RALYL: variants seen among roughly 807,000 people sequenced by gnomAD.
RALYL encodes the protein RNA-binding Raly-like protein.
Under a neutral mutation model 35.1 loss-of-function variants are expected in RALYL, and 29 were observed. The observed-to-expected ratio is 0.83, with a 90% confidence interval of 0.61 to 1.13. RALYL has a LOEUF of 1.13. Among genes scored for constraint, RALYL ranks in the 50% most tolerant of loss-of-function variants. The pLI, the probability that RALYL is intolerant of heterozygous loss-of-function variation, is 0.00. For missense variants in RALYL, 359 were observed against 360.4 expected (o/e 1.00, Z 0.03); for synonymous variants, 120 against 127.6 (o/e 0.94, Z 0.40).
At chr8:84,270,313 T>C (rs1205635827) in intron 1 of RALYL, among the ~76,000 whole-genome samples, 1 of 152,200 alleles carries the variant, frequency 6.6e-6, no homozygotes, top group Non-Finnish European at 1.5e-5. Context: ...GAACGCATTA[T>C]AAGATACAAG....
intron 1 of RALYL, among the ~76,000 whole-genome samples, chr8:84,322,303 G>T (rs1268627887): frequency 1.3e-5 from 2 of 152,102 alleles, no homozygotes; most frequent in African/African-American, 4.8e-5. Context: ...AAGGGAAAGT[G>T]ATAGAGGAGA....
At chr8:84,831,058 A>G (rs1563698404) in intron 4 of RALYL, among the ~76,000 whole-genome samples, 1 of 152,140 alleles carries the variant, frequency 6.6e-6, no homozygotes, top group Non-Finnish European at 1.5e-5. Context: ...AATGGCAAAA[A>G]TGAGAACAAA....
chr8:84,887,517 C>T, intron 7 of RALYL, 87 bp from the exon 8 acceptor site: 1 of 1,188,956 alleles, frequency 8.4e-7, no homozygotes, highest in Non-Finnish European at 1.2e-6. Flanking sequence ...ATAGCGTTTA[C>T]CCTTTCATGG....
intron 1 of RALYL, among the ~76,000 whole-genome samples, chr8:84,434,436 G>A (rs979274099): frequency 2.0e-5 from 3 of 152,062 alleles, no homozygotes; most frequent in Admixed American, 2.0e-4. Context: ...AGAAAGCCCT[G>A]TGAAATATTC....
In RALYL at chr8:84,551,656, A is replaced by G. The variant is rs145325516; in HGVS notation, c.256+22079A>G. On this transcript the variant is annotated intron_variant, in intron 2 of 8. Transcript: ENST00000521268. ...GGATAATAATAGAAAGAAGTATTTA[A>G]TAGCAGTGAGGGATTATGTTGGAAA... 3.2e-3 allele frequency among the ~76,000 whole-genome samples: 488 copies of G among 152,234 alleles called. 3 individuals are homozygous for G. The highest frequency in any genetic ancestry group is 0.011 in the African/African-American group (476 of 41,564).
intron 3 of RALYL, among the ~76,000 whole-genome samples, chr8:84,782,523 T>C (rs1250272986): frequency 6.6e-6 from 1 of 152,194 alleles, no homozygotes; most frequent in Non-Finnish European, 1.5e-5. Flanking sequence ...TTTCTAACTG[T>C]TGGTTTTACT....
At chr8:84,248,672 T>G (rs1829608025) in intron 1 of RALYL, among the ~76,000 whole-genome samples, 1 of 152,120 alleles carries the variant, frequency 6.6e-6, no homozygotes, top group South Asian at 2.1e-4. Flanking sequence ...TGTTATCTGT[T>G]CTGATGCTAT....
chr8:84,696,607 A>G (rs998161755), intron 2 of RALYL, among the ~76,000 whole-genome samples: 6 of 151,964 alleles, frequency 3.9e-5, no homozygotes, highest in East Asian at 1.9e-4. Context: ...GCATGATTTA[A>G]AAATATTAAA....
chr8:84,227,459 G>A (rs951234820), intron 1 of RALYL, among the ~76,000 whole-genome samples: 1 of 152,124 alleles, frequency 6.6e-6, no homozygotes, highest in African/African-American at 2.4e-5. Context: ...GTTCTTGCTA[G>A]CTCAGTCTTA....
intron 2 of RALYL, among the ~76,000 whole-genome samples, chr8:84,619,690 G>A (rs905574182): frequency 2.6e-4 from 40 of 151,280 alleles, no homozygotes; most frequent in Non-Finnish European, 3.8e-4. Flanking sequence ...TCCTAGTCTC[G>A]ATGGTCTTTA....
chr8:84,254,703 T>C (rs1830879134), intron 1 of RALYL, among the ~76,000 whole-genome samples: 1 of 144,594 alleles, frequency 6.9e-6, no homozygotes, highest in South Asian at 2.1e-4. Context: ...AATAGTTCGT[T>C]TTCACACTGC....
At chr8:84,426,436 C>CTGTGTG (rs746277761) in intron 1 of RALYL, among the ~76,000 whole-genome samples, 14,081 of 130,160 alleles carry the variant, frequency 0.11, 758 homozygotes, top group East Asian at 0.19. Context: ...CTCTCTCTCT[C>CTGTGTG]TCTGTGTGTG....
chr8:84,369,960 C>A (rs1310682229), intron 1 of RALYL, among the ~76,000 whole-genome samples: 2 of 152,100 alleles, frequency 1.3e-5, no homozygotes, highest in African/African-American at 4.8e-5. Flanking sequence ...ACTGAACATG[C>A]AACACCAGCT....
chr8:84,192,209 A>G (rs1764280443), intron 1 of RALYL, among the ~76,000 whole-genome samples: 2 of 152,236 alleles, frequency 1.3e-5, no homozygotes, highest in African/African-American at 2.4e-5. Context: ...AGTTTATAGA[A>G]AAATTCAGAG....
In RALYL at chr8:84,826,217, G is replaced by A. The variant is rs151309622; in HGVS notation, c.365+21415G>A. Among the ~76,000 whole-genome samples the A allele has an allele frequency of 6.7e-3, 973 of 144,222 alleles. 7 individuals carry two copies. Among genetic ancestry groups the A allele is most frequent in the Non-Finnish European group, 8.6e-3 (576 of 66,908 alleles). 94.6% of individuals were successfully genotyped at this position (144,222 alleles called of 152,430 possible). On this transcript the variant is annotated intron_variant, in intron 4 of 8. Transcript: ENST00000521268. ...GGGTACCATGCTCACTAGGTGATGG[G>A]ATCAATCATACTCCAAACCTCATCA...
intron 2 of RALYL, among the ~76,000 whole-genome samples, chr8:84,593,637 G>A (rs1277548694): frequency 6.6e-6 from 1 of 152,022 alleles, no homozygotes; most frequent in Non-Finnish European, 1.5e-5. Context: ...GTGGTTTTAA[G>A]AGTCCAGTGT....
intron 2 of RALYL, among the ~76,000 whole-genome samples, chr8:84,578,341 G>T (rs907251902): frequency 1.3e-5 from 2 of 152,234 alleles, no homozygotes; most frequent in Non-Finnish European, 2.9e-5. Context: ...GCTCCAAAGA[G>T]GGTGTCACAG....
At chr8:84,337,021 T>A (rs1001813699) in intron 1 of RALYL, among the ~76,000 whole-genome samples, 1 of 150,586 alleles carries the variant, frequency 6.6e-6, no homozygotes, top group Non-Finnish European at 1.5e-5. Context: ...TGTCTGTGTA[T>A]CTATGTATCT....
At chr8:84,800,394 T>TAAAG in intron 3 of RALYL, among the ~76,000 whole-genome samples, 1 of 152,240 alleles carries the variant, frequency 6.6e-6, no homozygotes, top group East Asian at 1.9e-4. Context: ...TTAGTGTTTA[T>TAAAG]AAAGAATGTT....
Sources: allele counts gnomAD v4.1 joint callset (sites outside exome capture counted in the v4.1 genomes callset), GRCh38; gene constraint gnomAD v4.1.1; transcripts MANE v1.5; gene names NCBI Gene and HGNC (gene_info 2026-07-23, HGNC 2026-07-21).